PRR16: variants seen among roughly 807,000 people sequenced by gnomAD.
PRR16 encodes the protein proline rich 16.
A neutral mutation model predicts 18.2 loss-of-function variants in PRR16; 6 were observed. The ratio of observed to expected loss-of-function variants is 0.33; its 90% CI spans 0.18 to 0.65. The LOEUF is 0.65. Ranked by LOEUF, PRR16 falls within the 30% of genes least tolerant of loss-of-function variation. PRR16 has a pLI of 0.74. For synonymous variants in PRR16, 151 were observed against 147.8 expected (o/e 1.02, Z -0.16); for missense variants, 412 against 376.6 (o/e 1.09, Z -0.78).
the PRR16 span, among the ~76,000 whole-genome samples, chr5:120,773,814 G>T: frequency 6.6e-6 from 1 of 151,994 alleles, no homozygotes; most frequent in African/African-American, 2.4e-5. Context: ...GAAGTACAAA[G>T]AAATATAAAT....
chr5:120,522,404 G>A (rs1237541031), intron 1 of PRR16, among the ~76,000 whole-genome samples: 3 of 152,156 alleles, frequency 2.0e-5, no homozygotes, highest in Non-Finnish European at 2.9e-5. Context: ...GTTTTGATTT[G>A]CATTTCTCTG....
intron 1 of PRR16, among the ~76,000 whole-genome samples, chr5:120,616,072 T>C (rs926202850): frequency 2.0e-5 from 3 of 152,162 alleles, no homozygotes; most frequent in Admixed American, 1.3e-4. Flanking sequence ...ACTGACTCTT[T>C]TGAGCTCCTT....
rs377448045 is a variant in PRR16, at chr5:120,537,922, G to A, written c.159+73277G>A. 3.8e-3 allele frequency among the ~76,000 whole-genome samples: 570 copies of A among 150,186 alleles called. 1 individual carries two copies. The highest frequency in any genetic ancestry group is 0.012 in the African/African-American group (500 of 41,158). Reference sequence around the variant, plus strand: ...CTCCCAAGTAGCTGGGACTACAGGCGCCCGCCACTACGCCCGGCTAATTTT... The same window carrying A: ...CTCCCAAGTAGCTGGGACTACAGGCACCCGCCACTACGCCCGGCTAATTTT... On this transcript the variant is annotated intron_variant, in intron 1 of 1. Coordinates refer to ENST00000407149, the MANE Select transcript of PRR16 (RefSeq NM_001300783.2).
chr5:120,695,674 G>A, the PRR16 span, among the ~76,000 whole-genome samples: 1 of 151,978 alleles, frequency 6.6e-6, no homozygotes, highest in Non-Finnish European at 1.5e-5. Context: ...CTTACGTCTG[G>A]TCTTGGCAGT....
chr5:120,469,530 A>G (rs1274283412), intron 1 of PRR16, among the ~76,000 whole-genome samples: 1 of 151,746 alleles, frequency 6.6e-6, no homozygotes, highest in African/African-American at 2.4e-5. Flanking sequence ...GTGTCTTGCC[A>G]TATTCCCCAG....
chr5:120,587,850 C>T (rs1260429851), intron 1 of PRR16, among the ~76,000 whole-genome samples: 1 of 152,144 alleles, frequency 6.6e-6, no homozygotes, highest in African/African-American at 2.4e-5. Flanking sequence ...TTATTGCTGC[C>T]ATACATAGTA....
the PRR16 span, among the ~76,000 whole-genome samples, chr5:120,724,604 T>C: frequency 6.6e-6 from 1 of 152,116 alleles, no homozygotes; most frequent in East Asian, 1.9e-4. Flanking sequence ...CCATGAATCA[T>C]GATAATTTTT....
intron 1 of PRR16, among the ~76,000 whole-genome samples, chr5:120,656,612 G>A (rs1026109881): frequency 2.6e-5 from 4 of 151,818 alleles, no homozygotes; most frequent in African/African-American, 4.8e-5. Flanking sequence ...ACACATTTCA[G>A]TTAACATATT....
chr5:120,582,903 A>G (rs1753320269), intron 1 of PRR16, among the ~76,000 whole-genome samples: 1 of 152,238 alleles, frequency 6.6e-6, no homozygotes, highest in South Asian at 2.1e-4. Flanking sequence ...AGGTGGCTTG[A>G]AACAGCAATA....
chr5:120,574,263 A>G (rs1753003925), intron 1 of PRR16, among the ~76,000 whole-genome samples: 1 of 152,114 alleles, frequency 6.6e-6, no homozygotes, highest in Non-Finnish European at 1.5e-5. Flanking sequence ...ATAATAAAAG[A>G]TAATCATATA....
At chr5:120,636,807 C>T (rs1160123506) in intron 1 of PRR16, among the ~76,000 whole-genome samples, 2 of 152,064 alleles carry the variant, frequency 1.3e-5, no homozygotes, top group Non-Finnish European at 2.9e-5. Context: ...TAAAAAGCTT[C>T]TGCACAGCAA....
At chr5:120,495,186 ATCT>A (rs754953893) in intron 1 of PRR16, among the ~76,000 whole-genome samples, 5 of 152,108 alleles carry the variant, frequency 3.3e-5, no homozygotes, top group Non-Finnish European at 5.9e-5. Context: ...ACAATGTTAA[ATCT>A]TCTTATCCAT....
At chr5:120,664,703 C>T (rs1399214541) in intron 1 of PRR16, among the ~76,000 whole-genome samples, 1 of 151,740 alleles carries the variant, frequency 6.6e-6, no homozygotes, top group East Asian at 1.9e-4. Flanking sequence ...TGAGAACATG[C>T]AGTGTTTGGT....
the PRR16 span, among the ~76,000 whole-genome samples, chr5:120,723,391 C>T: frequency 4.0e-5 from 6 of 151,486 alleles, no homozygotes; most frequent in Admixed American, 6.6e-5. Context: ...AATTTCAGCA[C>T]GGAAAAAAGA....
intron 1 of PRR16, among the ~76,000 whole-genome samples, chr5:120,557,172 A>G (rs1186168916): frequency 6.6e-6 from 1 of 151,916 alleles, no homozygotes; most frequent in African/African-American, 2.4e-5. Context: ...AAACACTCAT[A>G]AAGATTTTTC....
the PRR16 span, among the ~76,000 whole-genome samples, chr5:120,745,553 A>AC: frequency 1.3e-5 from 2 of 149,486 alleles, no homozygotes; most frequent in Non-Finnish European, 3.0e-5. Flanking sequence ...ATTAAAACAA[A>AC]AACAACAACA....
At chr5:120,657,831 CT>C (rs1429404544) in intron 1 of PRR16, among the ~76,000 whole-genome samples, 2 of 151,904 alleles carry the variant, frequency 1.3e-5, no homozygotes, top group East Asian at 1.9e-4. Context: ...CCACCTTCTG[CT>C]TTTTGTTCAT....
intron 1 of PRR16, among the ~76,000 whole-genome samples, chr5:120,525,786 C>T (rs1751326923): frequency 6.6e-6 from 1 of 151,882 alleles, no homozygotes; most frequent in African/African-American, 2.4e-5. Context: ...AAACATAAGC[C>T]TTTAGGAGGA....
chr5:120,503,907 G>T (rs1407853974), intron 1 of PRR16, among the ~76,000 whole-genome samples: 2 of 151,246 alleles, frequency 1.3e-5, no homozygotes, highest in African/African-American at 4.9e-5. Context: ...TTTTGTCCTT[G>T]TGATAGTTTA....
Sources: gnomAD v4.1 joint callset for allele counts (sites outside exome capture counted in the v4.1 genomes callset) on GRCh38, gnomAD v4.1.1 for gene constraint, MANE v1.5 for transcripts, NCBI Gene and HGNC (gene_info 2026-07-23, HGNC 2026-07-21) for gene names.